BMAL1: variants seen among roughly 807,000 people sequenced by gnomAD.
BMAL1 encodes the protein basic helix-loop-helix ARNT like 1.
At chr11:13,383,548 A>G in the BMAL1 span, among the ~76,000 whole-genome samples, 2 of 152,168 alleles carry the variant, frequency 1.3e-5, no homozygotes, top group Non-Finnish European at 2.9e-5. Context: ...AGCCAGTTTC[A>G]TTTAAGATTG....
chr11:13,347,118 C>T, the BMAL1 span, among the ~76,000 whole-genome samples: 3 of 152,150 alleles, frequency 2.0e-5, no homozygotes, highest in East Asian at 3.8e-4. Flanking sequence ...TGAGGCTGGG[C>T]GTGGTGGCTC....
chr11:13,384,516 G>A, the BMAL1 span, among the ~76,000 whole-genome samples: 4 of 152,140 alleles, frequency 2.6e-5, no homozygotes, highest in East Asian at 1.9e-4. Flanking sequence ...AAACTTCTAC[G>A]TGTCAAGTTT....
chr11:13,284,196 GTGTATATATATA>G, the BMAL1 span, among the ~76,000 whole-genome samples: 365 of 30,250 alleles, frequency 0.012, 26 homozygotes, highest in African/African-American at 0.05. Flanking sequence ...ATATATATGT[GTGTATATATATA>G]TGTGTATATA....
the BMAL1 span, among the ~76,000 whole-genome samples, chr11:13,330,480 G>A: frequency 6.6e-6 from 1 of 152,248 alleles, no homozygotes; most frequent in East Asian, 1.9e-4. Flanking sequence ...TCATTGCAGA[G>A]CATGCCATAT....
the BMAL1 span, among the ~76,000 whole-genome samples, chr11:13,281,543 G>A: frequency 6.6e-6 from 1 of 151,992 alleles, no homozygotes; most frequent in Non-Finnish European, 1.5e-5. Flanking sequence ...TTTTAAACAT[G>A]GTCTCAGTCT....
the BMAL1 span, among the ~76,000 whole-genome samples, chr11:13,342,806 C>T: frequency 6.6e-6 from 1 of 152,162 alleles, no homozygotes; most frequent in Non-Finnish European, 1.5e-5. Flanking sequence ...GGAGTATGGG[C>T]TTTAGATGGG....
At chr11:13,356,904 T>C in the BMAL1 span, 1 of 1,588,114 alleles carries the variant, frequency 6.3e-7, no homozygotes, top group South Asian at 1.1e-5. Flanking sequence ...GCCGTGAGCC[T>C]GTGGGCGCTC....
chr11:13,324,809 A>C, the BMAL1 span, among the ~76,000 whole-genome samples: 1 of 152,364 alleles, frequency 6.6e-6, no homozygotes, highest in East Asian at 1.9e-4. Flanking sequence ...CCTGCATGCA[A>C]GCGAAGACTT....
the BMAL1 span, among the ~76,000 whole-genome samples, chr11:13,376,347 G>T: frequency 2.6e-5 from 4 of 152,238 alleles, no homozygotes; most frequent in Admixed American, 6.5e-5. Flanking sequence ...TAGGTGCACT[G>T]CAGGCTGGCA....
the BMAL1 span, chr11:13,354,993 T>A: frequency 2.7e-6 from 1 of 376,264 alleles, no homozygotes; most frequent in East Asian, 4.1e-5. Context: ...TTTTTAGACT[T>A]GTTGACTTTT....
chr11:13,339,303 C>A, the BMAL1 span, among the ~76,000 whole-genome samples: 1 of 152,128 alleles, frequency 6.6e-6, no homozygotes, highest in East Asian at 1.9e-4. Flanking sequence ...TCAGCACAGC[C>A]CCTGGAAATA....
the BMAL1 span, among the ~76,000 whole-genome samples, chr11:13,345,911 A>G: frequency 6.6e-6 from 1 of 152,150 alleles, no homozygotes; most frequent in East Asian, 1.9e-4. Context: ...GAGTTGTACA[A>G]TAGTAGTGAC....
the BMAL1 span, among the ~76,000 whole-genome samples, chr11:13,285,598 C>G: frequency 1.3e-5 from 2 of 152,106 alleles, no homozygotes; most frequent in Non-Finnish European, 2.9e-5. Flanking sequence ...GAGAGAACAG[C>G]ACATGTAAAG....
chr11:13,287,012 G>A, the BMAL1 span, among the ~76,000 whole-genome samples: 1 of 152,120 alleles, frequency 6.6e-6, no homozygotes, highest in African/African-American at 2.4e-5. Flanking sequence ...GAGGATAGAA[G>A]AGGTTTTTGC....
At chr11:13,299,577 G>A in the BMAL1 span, among the ~76,000 whole-genome samples, 1 of 152,204 alleles carries the variant, frequency 6.6e-6, no homozygotes, top group African/African-American at 2.4e-5. Flanking sequence ...GTATTTGGCA[G>A]GAGGGGTCCA....
At chr11:13,323,860 AC>A in the BMAL1 span, among the ~76,000 whole-genome samples, 1 of 151,984 alleles carries the variant, frequency 6.6e-6, no homozygotes, top group Non-Finnish European at 1.5e-5. Flanking sequence ...CAAGTGATCC[AC>A]CCGCCTTGGC....
the BMAL1 span, among the ~76,000 whole-genome samples, chr11:13,296,445 GCTGTGCTTGAATA>G: frequency 2.6e-5 from 4 of 152,284 alleles, no homozygotes; most frequent in South Asian, 8.3e-4. Flanking sequence ...AGTCATTCAT[GCTGTGCTTGAATA>G]CTCCTTCCAG....
At chr11:13,376,178 A>G in the BMAL1 span, among the ~76,000 whole-genome samples, 1 of 152,198 alleles carries the variant, frequency 6.6e-6, no homozygotes, top group South Asian at 2.1e-4. Flanking sequence ...AGGGGGCCCA[A>G]GCACTGGCAG....
chr11:13,354,896 C>T, the BMAL1 span: 3 of 231,334 alleles, frequency 1.3e-5, no homozygotes, highest in Non-Finnish European at 1.7e-5. Context: ...GAGGTCCTCT[C>T]TGAAAACAAT....
Sources: allele counts gnomAD v4.1 joint callset (sites outside exome capture counted in the v4.1 genomes callset), GRCh38; gene constraint gnomAD v4.1.1; transcripts MANE v1.5; gene names NCBI Gene and HGNC (gene_info 2026-07-23, HGNC 2026-07-21).